PARP10: variants seen among roughly 807,000 people sequenced by gnomAD.
The protein encoded by PARP10 is protein mono-ADP-ribosyltransferase PARP10.
A neutral mutation model predicts 82.4 loss-of-function variants in PARP10; 56 were observed. That is an observed-to-expected ratio of 0.68 (90% CI 0.55 to 0.85). The LOEUF (loss-of-function observed/expected upper bound fraction) is 0.85. Ranked by LOEUF, PARP10 falls within the 40% of genes least tolerant of loss-of-function variation. PARP10 has a pLI of 0.00. For missense variants in PARP10, 1,227 were observed against 1,379.4 expected, an observed-to-expected ratio of 0.89 and a Z score of 1.75; for synonymous variants, 576 against 601.1, an observed-to-expected ratio of 0.96 and a Z score of 0.61.
rs369878782 is a variant in PARP10, at chr8:143,986,410, G to A, written c.-51C>T. The A allele has an allele frequency of 1.7e-5, 27 of 1,613,938 alleles. No individual in the cohort carries two copies. The highest frequency in any genetic ancestry group is 2.1e-5 in the Non-Finnish European group (25 of 1,179,942). On this transcript the variant is annotated 5_prime_UTR_variant, in exon 1 of 11. Transcript: ENST00000313028. ...GGCCATGAGCTCAGCCAGGACTCCT[G>A]TGCCTGCCCCTCAGCAAGCCTAACC...
chr8:143,998,989 C>A (rs1834180898), intron 1 of PARP10, among the ~76,000 whole-genome samples: 1 of 142,700 alleles, frequency 7.0e-6, no homozygotes. Context: ...TTCTTTAATT[C>A]TTTCTCCTTC....
chr8:144,005,520 G>A (rs371447162), intron 1 of PARP10, among the ~76,000 whole-genome samples: 1 of 152,134 alleles, frequency 6.6e-6, no homozygotes, highest in Non-Finnish European at 1.5e-5. Flanking sequence ...CTTTGAATGA[G>A]GGTAGCTCCT....
rs782809190 is a variant in PARP10, at chr8:143,977,891, C to A, written c.2731+16G>T. On this transcript the variant is annotated intron_variant, in intron 10 of 10. Transcript: ENST00000313028. ...GGGTGCGCAGAGCCCCCGCCCCTGCCCGGCTCAGGCCTCACCGTTGCGGCC... is the reference window on the plus strand; with the variant it reads ...GGGTGCGCAGAGCCCCCGCCCCTGCACGGCTCAGGCCTCACCGTTGCGGCC... 7 of 1,600,782 alleles carry A rather than the reference C, an allele frequency of 4.4e-6. No homozygotes were observed. The highest frequency in any genetic ancestry group is 5.9e-6 in the Non-Finnish European group (7 of 1,178,208).
chr8:143,981,358 ATGG>A (rs1260637861), intron 9 of PARP10, among the ~76,000 whole-genome samples: 44 of 84,146 alleles, frequency 5.2e-4, no homozygotes, highest in East Asian at 1.5e-3. Context: ...GATGGTGATG[ATGG>A]TGGTGACGAC....
Position 143,985,978 on chromosome 8 carries a change from G to A in PARP10, c.182-3C>T. 13 of 1,593,600 alleles carry A rather than the reference G, an allele frequency of 8.2e-6. No homozygotes were observed. Among genetic ancestry groups the A allele is most frequent in the South Asian group, 1.1e-5 (1 of 89,838 alleles). ...CTGGGCCAAGACCCTCTCGGCGTCT[G>A]TGGGCAGGGGCGGGGCAGGATGTCA... On this transcript the variant is annotated splice_region_variant and splice_polypyrimidine_tract_variant and intron_variant, in intron 2 of 10. Transcript: ENST00000313028.
intron 1 of PARP10, among the ~76,000 whole-genome samples, chr8:144,004,483 C>T (rs551791996): frequency 6.6e-6 from 1 of 152,286 alleles, no homozygotes; most frequent in Admixed American, 6.5e-5. Context: ...TCATTGTCCC[C>T]ACGCCACAAG....
At chr8:143,980,011 CAA>C (rs1175660825) in intron 9 of PARP10, among the ~76,000 whole-genome samples, 4 of 33,090 alleles carry the variant, frequency 1.2e-4, no homozygotes, top group African/African-American at 2.2e-4. Context: ...GACTCCGTCT[CAA>C]AAAAAAAAAA....
chr8:143,991,120 G>A, upstream of PARP10: 1 of 715,574 alleles, frequency 1.4e-6, no homozygotes. Flanking sequence ...GTTCCCAGAA[G>A]CAGGTGGAGT....
At chr8:143,992,022 G>A (rs1457122728), upstream of PARP10, 8 of 1,613,740 alleles carry the variant, frequency 5.0e-6, no homozygotes, top group African/African-American at 1.3e-5. Flanking sequence ...CTCTCTCATC[G>A]TCCTCAGCTG....
chr8:143,993,790 C>T (rs559368038), upstream of PARP10, among the ~76,000 whole-genome samples: 3 of 152,360 alleles, frequency 2.0e-5, no homozygotes, highest in African/African-American at 7.2e-5. Context: ...CTCCTTGGGC[C>T]TCCCCAGCTC....
intron 1 of PARP10, among the ~76,000 whole-genome samples, chr8:144,001,977 G>A (rs149859608): frequency 1.8e-4 from 27 of 151,514 alleles, no homozygotes; most frequent in Admixed American, 2.6e-4. Context: ...GTTCTTACCC[G>A]TGGAGATACT....
intron 9 of PARP10, among the ~76,000 whole-genome samples, chr8:143,978,950 G>A (rs1352139090): frequency 2.6e-5 from 4 of 151,510 alleles, no homozygotes; most frequent in Non-Finnish European, 5.9e-5. Flanking sequence ...AACCTTCAGA[G>A]TGAAAGAAAA....
At position 143,977,751 on chromosome 8, in the gene PARP10, G is replaced by A. The variant is rs1554746598; in HGVS notation, c.2811C>T (p.Ala937=). The A allele has an allele frequency of 1.2e-6, 2 of 1,603,392 alleles. No homozygotes were observed. Among genetic ancestry groups the A allele is most frequent in the Non-Finnish European group, 1.7e-6 (2 of 1,175,770 alleles). The change falls in exon 11 of 11, where the codon GCC becomes GCT. Residue 937 remains alanine, a synonymous_variant. Transcript: ENST00000313028. ...CCACGAACACCGCCTTATGGCCATC[G>A]GCGTTGGGGGGCGAGTAGCGGTCCT... The part of the protein sequence containing the change: ...SVQDRYSPPN[A]DGHKAVFVAR...
In PARP10 at chr8:143,983,376, G is replaced by A. The variant is rs782458070; in HGVS notation, c.2213C>T (p.Thr738Met). 1.7e-5 allele frequency: 27 copies of A among 1,605,912 alleles called. No individual in the cohort carries two copies. In the Middle Eastern group the frequency reaches 8.2e-4, roughly 49 times the overall value. The change falls in exon 8 of 11, where the codon ACG becomes ATG. Residue 738 changes from threonine to methionine, a missense_variant. Thr to Met is a moderately conservative substitution (Grantham distance 81). Coordinates refer to ENST00000313028, the MANE Select transcript of PARP10 (RefSeq NM_032789.5). ...CAGTGTGCGGCGCCAGGGCCCCACC[G>A]TCTCCTCCTGGACGTGGACCTCCAA... ...AALEVHVQEE[T>M]VGPWRRTLPA... is the part of the protein sequence containing the mutation.
At position 143,977,759 on chromosome 8, in the gene PARP10, G is replaced by C. The variant is rs1833731674; in HGVS notation, c.2803C>G (p.Pro935Ala). The C allele has an allele frequency of 6.2e-7, 1 of 1,604,344 alleles. No homozygotes were observed. ...ACCGCCTTATGGCCATCGGCGTTGG[G>C]GGGCGAGTAGCGGTCCTGCACCGAC... ...SLSVQDRYSP[P>A]NADGHKAVFV... is the part of the protein sequence containing the mutation. Residue 935 changes from proline (P) to alanine (A), a missense_variant, in exon 11 of 11, where the codon CCC (proline) becomes GCC (alanine). Pro to Ala is a conservative substitution (Grantham distance 27). Transcript: ENST00000313028.
chr8:143,979,516 T>C (rs532302073), intron 9 of PARP10, among the ~76,000 whole-genome samples: 1 of 152,316 alleles, frequency 6.6e-6, no homozygotes, highest in African/African-American at 2.4e-5. Context: ...TAATGAAGAA[T>C]GAGGACAAAT....
Position 143,986,251 on chromosome 8 carries a change from G to A in PARP10, c.3-18C>T, listed in dbSNP as rs1554749370. 2.5e-6 allele frequency: 4 copies of A among 1,613,808 alleles called. No individual in the cohort carries two copies. The South Asian group carries it at 3.3e-5, about 13-fold the overall frequency. On this transcript the variant is annotated intron_variant, in intron 1 of 10. Transcript: ENST00000313028. Reference sequence around the variant, plus strand: ...TTGCAACCCTGGGACGGGGCATCAGGTGGGTAGGGAAACAGCCCATTCCAC... The same window carrying A: ...TTGCAACCCTGGGACGGGGCATCAGATGGGTAGGGAAACAGCCCATTCCAC...
rs1484407310 is a variant in PARP10 at position 143,984,257 on chromosome 8, C to G, written c.1633G>C (p.Gly545Arg). ...GTGGCTGTGGCCAGGCGCTCTGTCC[C>G]AAAGACACACTGGAACTGAGCCTCC... Reference protein sequence around the residue: ...GLEAQFQCVFGTERLATATLD... With the variant: ...GLEAQFQCVFRTERLATATLD... Residue 545 changes from glycine to arginine, a missense_variant, in exon 6 of 11, where the codon GGG (glycine) becomes CGG (arginine). Transcript: ENST00000313028. 2 of 1,613,952 alleles carry G rather than the reference C, an allele frequency of 1.2e-6. No individual in the cohort carries two copies. The highest frequency in any genetic ancestry group is 1.7e-6 in the Non-Finnish European group (2 of 1,179,986).
upstream of PARP10, chr8:143,992,965 G>T: frequency 1.3e-6 from 1 of 790,418 alleles, no homozygotes; most frequent in South Asian, 1.7e-5. Context: ...GGAAAAGGAT[G>T]CCTCTCTCCA....
Sources: gnomAD v4.1 joint callset for allele counts (sites outside exome capture counted in the v4.1 genomes callset) on GRCh38, gnomAD v4.1.1 for gene constraint, MANE v1.5 for transcripts, NCBI Gene and HGNC (gene_info 2026-07-23, HGNC 2026-07-21) for gene names.